The following PRPSAP2 variants were observed in gnomAD, a reference collection of about 807,000 sequenced individuals.
PRPSAP2 encodes the protein phosphoribosyl pyrophosphate synthase-associated protein 2.
A neutral mutation model predicts 40.6 loss-of-function variants in PRPSAP2; 24 were observed. The observed-to-expected ratio is 0.59, with a 90% CI of 0.43 to 0.83. The LOEUF (loss-of-function observed/expected upper bound fraction) is 0.83, where lower values mean the gene tolerates loss of function less well. Among genes scored for constraint, PRPSAP2 ranks in the 40% least tolerant of loss-of-function variants. PRPSAP2 has a pLI of 0.00. For synonymous variants in PRPSAP2, 149 were observed against 164.7 expected (o/e 0.90, Z 0.73); for missense variants, 292 against 465.6 (o/e 0.63, Z 3.43).
chr17:18,924,909 C>T (rs2041891279), intron 10 of PRPSAP2, among the ~76,000 whole-genome samples: 1 of 152,140 alleles, frequency 6.6e-6, no homozygotes, highest in South Asian at 2.1e-4. Flanking sequence ...CACCTGAGGT[C>T]AGGAGTTGAA....
intron 10 of PRPSAP2, among the ~76,000 whole-genome samples, chr17:18,926,327 C>T (rs1203975730): frequency 6.6e-5 from 10 of 150,762 alleles, no homozygotes; most frequent in African/African-American, 1.5e-4. Context: ...AGTGCAGTGG[C>T]GTGATCTCAG....
In PRPSAP2 at chr17:18,869,865, T is replaced by TGTGTGTGTGTGTGTGTGA. The variant is rs745428673; in HGVS notation, c.172+2532_172+2533insTGTGTGTGTGTGTGTGAG. 2.5e-3 allele frequency among the ~76,000 whole-genome samples: 373 copies of TGTGTGTGTGTGTGTGTGA among 147,842 alleles called. 2 individuals carry two copies. The highest frequency in any genetic ancestry group is 3.8e-3 in the African/African-American group (150 of 39,690). The stretch of plus-strand genomic sequence containing the variant: ...TTTTGTGTGTGTGTGTGTGTGTGTG[T>TGTGTGTGTGTGTGTGTGA]GAGACAGAGTCTTGCTCCATTGCCC... On this transcript the variant is annotated intron_variant, in intron 4 of 11. Coordinates refer to ENST00000268835, the MANE Select transcript of PRPSAP2 (RefSeq NM_002767.4).
chr17:18,864,516 C>G (rs2151879911), intron 1 of PRPSAP2, among the ~76,000 whole-genome samples: 1 of 152,174 alleles, frequency 6.6e-6, no homozygotes, highest in South Asian at 2.1e-4. Flanking sequence ...TGGTCTTGAA[C>G]TCCTGACCTT....
upstream of PRPSAP2, among the ~76,000 whole-genome samples, chr17:18,857,587 T>TTA (rs1486983494): frequency 2.0e-4 from 30 of 149,844 alleles, no homozygotes; most frequent in African/African-American, 5.7e-4. Context: ...CTAATTTTTT[T>TTA]TTTTTGTATT....
At chr17:18,913,418 C>T (rs1010131386) in intron 9 of PRPSAP2, among the ~76,000 whole-genome samples, 3 of 151,916 alleles carry the variant, frequency 2.0e-5, no homozygotes, top group African/African-American at 4.8e-5. Flanking sequence ...GAAGTGGAGC[C>T]TTGAAATCGT....
intron 8 of PRPSAP2, among the ~76,000 whole-genome samples, chr17:18,909,946 A>G (rs1340388725): frequency 1.3e-5 from 2 of 152,196 alleles, no homozygotes; most frequent in South Asian, 2.1e-4. Context: ...AGATCTGTGT[A>G]TGAATGTTCA....
At chr17:18,867,207 G>C (rs536983944) in intron 3 of PRPSAP2, 75 bp from the exon 4 acceptor site, 1 of 1,354,234 alleles carries the variant, frequency 7.4e-7, no homozygotes, top group Non-Finnish European at 1.0e-6. Flanking sequence ...ATCGATTTAC[G>C]AGTCTCCTTA....
chr17:18,908,707 G>A (rs2040760348), intron 8 of PRPSAP2: 4 of 724,592 alleles, frequency 5.5e-6, no homozygotes, highest in African/African-American at 1.7e-5. Context: ...TATTGAGAAT[G>A]CACAGAAATT....
chr17:18,906,196 G>A (rs2040572496), intron 8 of PRPSAP2, among the ~76,000 whole-genome samples: 1 of 151,838 alleles, frequency 6.6e-6, no homozygotes. Flanking sequence ...ACTTACGTGT[G>A]TCTGAGATTG....
At chr17:18,909,608 G>A (rs1257681024) in intron 8 of PRPSAP2, among the ~76,000 whole-genome samples, 1 of 151,818 alleles carries the variant, frequency 6.6e-6, no homozygotes, top group African/African-American at 2.4e-5. Flanking sequence ...TCCACTCTTA[G>A]GAATTTATCA....
chr17:18,902,506 A>G (rs937795720), intron 8 of PRPSAP2, among the ~76,000 whole-genome samples: 1 of 152,138 alleles, frequency 6.6e-6, no homozygotes, highest in African/African-American at 2.4e-5. Context: ...CCTTGAAGGT[A>G]GTGGGGCAAC....
At chr17:18,889,981 T>C (rs1352289409) in intron 8 of PRPSAP2, 104 bp downstream of exon 8, 6 of 971,818 alleles carry the variant, frequency 6.2e-6, no homozygotes, top group African/African-American at 1.7e-5. Flanking sequence ...CCCAGCGATA[T>C]CTCTTATTTT....
At chr17:18,922,541 TG>T (rs1292749694) in intron 9 of PRPSAP2, among the ~76,000 whole-genome samples, 1 of 152,170 alleles carries the variant, frequency 6.6e-6, no homozygotes, top group Non-Finnish European at 1.5e-5. Context: ...TGACTTCATT[TG>T]TATATCTTCT....
At chr17:18,866,025 T>G in intron 3 of PRPSAP2, 73 bp downstream of exon 3, 2 of 1,122,094 alleles carry the variant, frequency 1.8e-6, no homozygotes, top group Non-Finnish European at 2.3e-6. Context: ...AGATTAGCAG[T>G]TATTGTTAAA....
chr17:18,866,347 G>A (rs926003297), intron 3 of PRPSAP2, among the ~76,000 whole-genome samples: 1 of 152,064 alleles, frequency 6.6e-6, no homozygotes. Flanking sequence ...GGTGTATCAC[G>A]AGGTCAGGAG....
intron 8 of PRPSAP2, among the ~76,000 whole-genome samples, chr17:18,897,432 G>A (rs1190335714): frequency 7.0e-6 from 1 of 142,050 alleles, no homozygotes; most frequent in Admixed American, 7.1e-5. Context: ...TGCCATTCTA[G>A]AGTGGTGCTT....
intron 11 of PRPSAP2, among the ~76,000 whole-genome samples, chr17:18,930,004 T>C (rs1487635852): frequency 6.6e-6 from 1 of 152,180 alleles, no homozygotes; most frequent in African/African-American, 2.4e-5. Flanking sequence ...CCAGTTTCTC[T>C]GCATCCCTCC....
At chr17:18,914,839 C>G (rs2041208032) in intron 9 of PRPSAP2, among the ~76,000 whole-genome samples, 1 of 151,766 alleles carries the variant, frequency 6.6e-6, no homozygotes, top group African/African-American at 2.4e-5. Context: ...ATTCTCATGC[C>G]TCGGCCTCCT....
At chr17:18,915,025 C>G (rs1001650649) in intron 9 of PRPSAP2, among the ~76,000 whole-genome samples, 1 of 130,200 alleles carries the variant, frequency 7.7e-6, no homozygotes, top group African/African-American at 2.9e-5. Context: ...TGCACCCGAC[C>G]TTTTTTTTTT....
Sources: gnomAD v4.1 joint callset for allele counts (sites outside exome capture counted in the v4.1 genomes callset) on GRCh38, gnomAD v4.1.1 for gene constraint, MANE v1.5 for transcripts, NCBI Gene and HGNC (gene_info 2026-07-23, HGNC 2026-07-21) for gene names.